PICALM: variants seen among roughly 807,000 people sequenced by gnomAD.
The protein encoded by PICALM is phosphatidylinositol binding clathrin assembly protein.
In PICALM, 40 loss-of-function variants were observed where a neutral mutation model predicts 80.5. That is an observed-to-expected ratio of 0.50 (90% CI 0.39 to 0.65). The LOEUF (loss-of-function observed/expected upper bound fraction) is 0.65, where lower values mean the gene tolerates loss of function less well. Ranked by LOEUF, PICALM falls within the 30% of genes least tolerant of loss-of-function variation. The pLI is 0.00. For missense variants in PICALM, 676 were observed against 778.9 expected (o/e 0.87, Z 1.57); for synonymous variants, 288 against 260.3 (o/e 1.11, Z -1.02).
In PICALM at chr11:85,957,614, G is replaced by A. The variant is rs1448400217; in HGVS notation, c.*1432C>T. ...TGGGTATATTTTATTAGGGAAAAAT[G>A]ACAATATTGATAATAAAAAGAGAAA... On this transcript the variant is annotated 3_prime_UTR_variant, in exon 20 of 20. Coordinates refer to ENST00000393346, the MANE Select transcript of PICALM (RefSeq NM_007166.4). 1.0e-5 allele frequency: 2 copies of A among 190,660 alleles called. No individual in the cohort carries two copies. Among genetic ancestry groups the A allele is most frequent in the African/African-American group, 4.7e-5 (2 of 42,972 alleles). The allele number at this position is 190,660 out of a possible 1,614,324, so 11.8% of individuals were successfully genotyped here.
At chr11:86,022,772 C>CAG (rs10649400) in intron 3 of PICALM, among the ~76,000 whole-genome samples, 6 of 151,580 alleles carry the variant, frequency 4.0e-5, no homozygotes, top group African/African-American at 1.5e-4. Flanking sequence ...ATTAGAAAAA[C>CAG]GTTCTTTTAC....
chr11:85,989,832 C>G (rs367964392), intron 13 of PICALM, among the ~76,000 whole-genome samples: 2 of 151,794 alleles, frequency 1.3e-5, no homozygotes, highest in African/African-American at 4.8e-5. Context: ...AAGATAGCTG[C>G]TAAGAGTGAT....
At chr11:85,979,033 A>T (rs1225176654) in intron 17 of PICALM, among the ~76,000 whole-genome samples, 1 of 152,168 alleles carries the variant, frequency 6.6e-6, no homozygotes, top group Non-Finnish European at 1.5e-5. Context: ...ATGGATTTCA[A>T]CTTAAATCTG....
intron 19 of PICALM, among the ~76,000 whole-genome samples, chr11:85,966,557 T>G (rs958209191): frequency 1.3e-5 from 2 of 152,182 alleles, no homozygotes; most frequent in African/African-American, 4.8e-5. Flanking sequence ...CAAAGTTACA[T>G]AGAGAATTTG....
intron 3 of PICALM, among the ~76,000 whole-genome samples, chr11:86,024,100 C>A (rs539361602): frequency 2.0e-5 from 3 of 152,172 alleles, no homozygotes; most frequent in African/African-American, 4.8e-5. Flanking sequence ...CTGCACCCAG[C>A]CTAGGTGACA....
Position 86,045,519 on chromosome 11 carries a change from C to CAAAAAAAAAAAAAA in PICALM, c.131-13922_131-13909dup, listed in dbSNP as rs71040207. On this transcript the variant is annotated intron_variant, in intron 1 of 19. Transcript: ENST00000393346. ...CATAGTGAGACCCTGTCTTGAAATT[C>CAAAAAAAAAAAAAA]AAAAAAAAAAAAAAAAAAAAAAAAA... is the stretch of plus-strand genomic sequence containing the variant. Among the ~76,000 whole-genome samples the CAAAAAAAAAAAAAA allele has an allele frequency of 8.4e-5, 4 of 47,802 alleles. 1 individual carries two copies. Among genetic ancestry groups the CAAAAAAAAAAAAAA allele is most frequent in the Non-Finnish European group, 1.3e-4 (3 of 22,408 alleles). The allele number at this position is 47,802 out of a possible 152,430, so 31.4% of individuals were successfully genotyped here.
chr11:85,979,425 G>C (rs190154298), intron 17 of PICALM, among the ~76,000 whole-genome samples: 3 of 152,010 alleles, frequency 2.0e-5, no homozygotes, highest in Admixed American at 2.0e-4. Context: ...GGGAGGCAGA[G>C]GTTGCAGTGA....
At chr11:86,039,903 C>T (rs770794199) in intron 1 of PICALM, among the ~76,000 whole-genome samples, 24 of 149,046 alleles carry the variant, frequency 1.6e-4, no homozygotes, top group Non-Finnish European at 2.7e-4. Context: ...ACTCAGGAGG[C>T]TGAAGCAGGA....
chr11:86,031,542 G>C lies in PICALM; in HGVS notation c.200C>G (p.Thr67Ser). ...GACCACCACCCAACTACTATTAGTA[G>C]TTCTTTCAAATAAACTGTCTGCCAA... The part of the protein sequence containing the change: ...PQLADSLFER[T>S]TNSSWVVVFK... The change falls in exon 2 of 20, where the codon ACT becomes AGT. Residue 67 changes from threonine to serine, a missense_variant. Physicochemically the swap from Thr to Ser is moderately conservative, Grantham distance 58. Transcript: ENST00000393346. 1 of 1,611,540 alleles carries C rather than the reference G, an allele frequency of 6.2e-7. No homozygotes were observed.
intron 14 of PICALM, among the ~76,000 whole-genome samples, chr11:85,983,230 T>C (rs1274652714): frequency 6.6e-6 from 1 of 152,214 alleles, no homozygotes; most frequent in Non-Finnish European, 1.5e-5. Flanking sequence ...GGCCATCCGA[T>C]GGTAAGAACA....
chr11:85,957,605 G>A lies in PICALM; in HGVS notation c.*1441C>T, dbSNP rs1171309778. On this transcript the variant is annotated 3_prime_UTR_variant, in exon 20 of 20. Transcript: ENST00000393346. ...ATAATCACCTGGGTATATTTTATTAGGGAAAAATGACAATATTGATAATAA... is the reference window on the plus strand; with the variant it reads ...ATAATCACCTGGGTATATTTTATTAAGGAAAAATGACAATATTGATAATAA... 3 of 189,568 alleles carry A rather than the reference G, an allele frequency of 1.6e-5. No homozygotes were observed. The South Asian group carries it at 5.8e-4, about 37-fold the overall frequency. The allele number at this position is 189,568 out of a possible 1,614,324, so 11.7% of individuals were successfully genotyped here.
At chr11:86,031,380 T>C (rs1382201879) in intron 2 of PICALM, 89 bp downstream of exon 2, 3 of 984,250 alleles carry the variant, frequency 3.0e-6, no homozygotes, top group Non-Finnish European at 3.0e-6. Flanking sequence ...CCTTTGTACC[T>C]GGGAGCTGTT....
chr11:86,023,540 G>A (rs548295800), intron 3 of PICALM: 10 of 984,548 alleles, frequency 1.0e-5, no homozygotes, highest in Admixed American at 6.1e-5. Context: ...TCAACCTCTC[G>A]TCTACATAAA....
At chr11:86,033,263 G>C (rs1217942416) in intron 1 of PICALM, among the ~76,000 whole-genome samples, 2 of 112,212 alleles carry the variant, frequency 1.8e-5, no homozygotes, top group South Asian at 3.3e-4. Context: ...ATAGTGCATG[G>C]TGCATGGTGT....
chr11:86,045,199 G>C (rs2096050308), intron 1 of PICALM, among the ~76,000 whole-genome samples: 1 of 151,974 alleles, frequency 6.6e-6, no homozygotes, highest in Non-Finnish European at 1.5e-5. Context: ...TAAAGCCAGA[G>C]TTATTTTTCC....
At chr11:85,966,331 A>G (rs1188846897) in intron 19 of PICALM, among the ~76,000 whole-genome samples, 1 of 151,912 alleles carries the variant, frequency 6.6e-6, no homozygotes, top group Admixed American at 6.6e-5. Context: ...TTTAGCCTCC[A>G]AAAGTGTTGA....
At chr11:85,961,955 C>A (rs1180949231) in intron 19 of PICALM, among the ~76,000 whole-genome samples, 1 of 152,060 alleles carries the variant, frequency 6.6e-6, no homozygotes, top group Non-Finnish European at 1.5e-5. Flanking sequence ...CTAGTATATG[C>A]AACTTGTTCT....
chr11:86,027,667 G>C (rs2095670864), intron 2 of PICALM, among the ~76,000 whole-genome samples: 1 of 151,862 alleles, frequency 6.6e-6, no homozygotes, highest in African/African-American at 2.4e-5. Flanking sequence ...TGGGACTACA[G>C]GCATGTCCAG....
chr11:85,983,890 T>C lies in PICALM; in HGVS notation c.1492A>G (p.Thr498Ala), dbSNP rs1422305018. ...CCCCCAGAATCTACAATAACATTTGTAGATTTATTTCCAAACACAGATTCA... is the reference window on the plus strand; with the variant it reads ...CCCCCAGAATCTACAATAACATTTGCAGATTTATTTCCAAACACAGATTCA... Reference protein sequence around the residue: ...DFESVFGNKSTNVIVDSGGFD... With the variant: ...DFESVFGNKSANVIVDSGGFD... The change falls in exon 14 of 20, where the codon ACA becomes GCA. Residue 498 changes from threonine (T) to alanine (A), a missense_variant. Coordinates refer to ENST00000393346, the MANE Select transcript of PICALM (RefSeq NM_007166.4). The C allele has an allele frequency of 6.4e-7, 1 of 1,571,762 alleles. No individual in the cohort carries two copies. The highest frequency in any genetic ancestry group is 1.1e-5 in the South Asian group (1 of 88,810).
Sources: gnomAD v4.1 joint callset for allele counts (sites outside exome capture counted in the v4.1 genomes callset) on GRCh38, gnomAD v4.1.1 for gene constraint, MANE v1.5 for transcripts, NCBI Gene and HGNC (gene_info 2026-07-23, HGNC 2026-07-21) for gene names.